The following APBB3 variants were observed in gnomAD, a reference collection of about 807,000 sequenced individuals.
APBB3 encodes amyloid beta precursor protein binding family B member 3.
A neutral mutation model predicts 61.5 loss-of-function variants in APBB3; 50 were observed. The observed-to-expected ratio is 0.81, with a 90% CI of 0.65 to 1.03. The LOEUF (loss-of-function observed/expected upper bound fraction) is 1.03, where lower values mean the gene tolerates loss of function less well. Among genes scored for constraint, APBB3 ranks in the 50% least tolerant of loss-of-function variants. APBB3 has a pLI of 0.00. For synonymous variants in APBB3, 235 were observed against 233.0 expected (o/e 1.01, Z -0.08); for missense variants, 550 against 637.4 (o/e 0.86, Z 1.48).
At position 140,562,193 on chromosome 5, in the gene APBB3, G is replaced by A. The variant is rs1288408788; in HGVS notation, c.533C>T (p.Ala178Val). The A allele has an allele frequency of 6.2e-7, 1 of 1,614,090 alleles. No homozygotes were observed. The highest frequency in any genetic ancestry group is 1.3e-5 in the African/African-American group (1 of 74,934). ...QNMLMILKKD[A>V]MSLVNPLDHS... ...GTCCAGGGGATTCACTAGGCTCATG[G>A]CATCCTTCTTCAGGATCATCAGCAT... The change falls in exon 6 of 13, where the codon GCC (alanine) becomes GTC (valine). Residue 178 changes from alanine to valine, a missense_variant. By Grantham distance (64) the Ala-to-Val change is moderately conservative. Transcript: ENST00000357560.
At chr5:140,562,750 G>T in intron 3 of APBB3, 27 bp from the exon 4 acceptor site, 2 of 1,613,060 alleles carry the variant, frequency 1.2e-6, no homozygotes, top group South Asian at 2.2e-5. Flanking sequence ...CTGTTAAGAG[G>T]ACCACATTTC....
At position 140,558,609 on chromosome 5, in the gene APBB3, T is replaced by A; in HGVS notation, c.1437A>T (p.Lys479Asn). The A allele has an allele frequency of 1.9e-6, 3 of 1,613,240 alleles. No individual in the cohort carries two copies. Among genetic ancestry groups the A allele is most frequent in the Non-Finnish European group, 2.5e-6 (3 of 1,179,776 alleles). ...TTTAGGGCATATGGAGCAGAGAGGG[T>A]TTCAGCCGGAAGGCATCAAGAAAAG... is the stretch of plus-strand genomic sequence containing the variant. Reference protein sequence around the residue: ...VFSFLDAFRLKPSLLHMP With the variant: ...VFSFLDAFRLNPSLLHMP The change falls in exon 13 of 13, where the codon AAA becomes AAT. Residue 479 changes from lysine (K) to asparagine (N), a missense_variant. Coordinates refer to ENST00000357560, the MANE Select transcript of APBB3 (RefSeq NM_133173.3).
Position 140,558,439 on chromosome 5 carries a change from T to C in APBB3, c.*146A>G, listed in dbSNP as rs931093819. 1 of 860,624 alleles carries C rather than the reference T, an allele frequency of 1.2e-6. No homozygotes were observed. Among genetic ancestry groups the C allele is most frequent in the South Asian group, 1.4e-5 (1 of 72,616 alleles). 53.3% of individuals were successfully genotyped at this position (860,624 alleles called of 1,614,324 possible). ...CCCAGTCATCCGTATAAACAATAAA[T>C]TGGGCAATAAATAGACGGTGGACAA... On this transcript the variant is annotated 3_prime_UTR_variant, in exon 13 of 13. Coordinates refer to ENST00000357560, the MANE Select transcript of APBB3 (RefSeq NM_133173.3).
Position 140,560,641 on chromosome 5 carries a change from G to T in APBB3, c.1030C>A (p.Gln344Lys), listed in dbSNP as rs1219848730. ...CCAACTTCACCCTCTTCTGGTACCT[G>T]AATGGGGTGTGCAGTCATGAGAGAG... is the stretch of plus-strand genomic sequence containing the variant. ...SDSLMTAHPI[Q>K]AEASTEEEPL... The change falls in exon 11 of 13, where the codon CAG (glutamine) becomes AAG (lysine). Residue 344 changes from glutamine (Q) to lysine (K), a missense_variant and splice_region_variant. This residue lies in a region of APBB3 where 405 missense variants were observed against 483.4 expected (regional missense o/e 0.84). Coordinates refer to ENST00000357560, the MANE Select transcript of APBB3 (RefSeq NM_133173.3). This position sits in a 1 kb window ranked among gnomAD's most constrained non-coding sequence, Gnocchi z 5.1. The T allele has an allele frequency of 6.2e-7, 1 of 1,613,898 alleles. No homozygotes were observed. The highest frequency in any genetic ancestry group is 8.5e-7 in the Non-Finnish European group (1 of 1,179,916).
At chr5:140,562,803 A>G in intron 3 of APBB3, 80 bp from the exon 4 acceptor site, 1 of 1,418,684 alleles carries the variant, frequency 7.0e-7, no homozygotes, top group Non-Finnish European at 9.9e-7. Flanking sequence ...CTTGATAAGC[A>G]CAGGATGAGG....
intron 3 of APBB3, 105 bp from the exon 4 acceptor site, chr5:140,562,828 T>C (rs142426555): frequency 2.9e-6 from 3 of 1,023,108 alleles, no homozygotes; most frequent in Non-Finnish European, 4.5e-6. Flanking sequence ...AGACCCAGAA[T>C]ATAGCACCAG....
chr5:140,558,294 C>T lies in APBB3; in HGVS notation c.*291G>A, dbSNP rs1561866124. 2.2e-6 allele frequency: 1 copy of T among 460,932 alleles called. No individual in the cohort carries two copies. Among genetic ancestry groups the T allele is most frequent in the African/African-American group, 2.0e-5 (1 of 49,488 alleles). 28.6% of individuals were successfully genotyped at this position (460,932 alleles called of 1,614,324 possible). On this transcript the variant is annotated 3_prime_UTR_variant, in exon 13 of 13. Coordinates refer to ENST00000357560, the MANE Select transcript of APBB3 (RefSeq NM_133173.3). ...GAGGTCACTGAGGGATTTTTATTTG[C>T]ACTGATTTTGCTATAAAGTGTTACT...
At position 140,560,567 on chromosome 5, in the gene APBB3, G is replaced by A. The variant is rs1385976636; in HGVS notation, c.1033-63C>T. On this transcript the variant is annotated intron_variant, in intron 11 of 12. Transcript: ENST00000357560. The surrounding 1 kb of genome is among the most constrained non-coding windows in gnomAD (Gnocchi z 5.1). ...CGGGCCAGACCCACTTAACTTTTCC[G>A]ACAGCAAGCAGTGACCCCTCAGCAT... The A allele has an allele frequency of 6.9e-6, 11 of 1,605,514 alleles. No individual in the cohort carries two copies. Among genetic ancestry groups the A allele is most frequent in the East Asian group, 4.5e-5 (2 of 44,558 alleles).
chr5:140,561,966 G>A (rs1363256817), intron 6 of APBB3, 117 bp from the exon 7 acceptor site: 1 of 1,611,328 alleles, frequency 6.2e-7, no homozygotes, highest in South Asian at 1.1e-5. Context: ...ACCAGGCAGG[G>A]GAAGCAGTCC....
At chr5:140,561,169 G>T in intron 9 of APBB3, 68 bp from the exon 10 acceptor site, 2 of 1,576,606 alleles carry the variant, frequency 1.3e-6, no homozygotes, top group Non-Finnish European at 1.7e-6. Flanking sequence ...CTTCTCAATG[G>T]GCCAGGACTC....
At chr5:140,562,285 G>A (rs1219172312) in intron 5 of APBB3, 58 bp from the exon 6 acceptor site, 2 of 1,611,188 alleles carry the variant, frequency 1.2e-6, no homozygotes, top group African/African-American at 1.3e-5. Flanking sequence ...ATGAGAAATA[G>A]GAAATTCAGG....
chr5:140,561,566 T>G, intron 8 of APBB3, 21 bp downstream of exon 8: 2 of 1,614,004 alleles, frequency 1.2e-6, no homozygotes, highest in Non-Finnish European at 1.7e-6. Context: ...CCACATTCCC[T>G]GCCCCACCCC....
intron 12 of APBB3, 25 bp from the exon 13 acceptor site, chr5:140,558,846 T>C (rs774421031): frequency 6.2e-7 from 1 of 1,603,172 alleles, no homozygotes; most frequent in South Asian, 1.1e-5. Context: ...AATGTGAGGA[T>C]CCAGCTACTT....
chr5:140,561,265 G>T, intron 9 of APBB3, 100 bp downstream of exon 9: 1 of 1,515,390 alleles, frequency 6.6e-7, no homozygotes, highest in Non-Finnish European at 9.1e-7. Context: ...AGACATCTCA[G>T]AAATTTATCC....
chr5:140,559,582 A>G (rs1302735325), intron 12 of APBB3, among the ~76,000 whole-genome samples: 1 of 152,060 alleles, frequency 6.6e-6, no homozygotes, highest in African/African-American at 2.4e-5. Context: ...TGCCAGATAC[A>G]CTAGATTCTT....
chr5:140,561,528 C>T lies in APBB3; in HGVS notation c.747+59G>A, dbSNP rs539680808. 409 of 1,613,380 alleles carry T rather than the reference C, an allele frequency of 2.5e-4. 4 individuals carry two copies. In the Admixed American group the frequency reaches 6.6e-3, roughly 26 times the overall value. On this transcript the variant is annotated intron_variant, in intron 8 of 12. Coordinates refer to ENST00000357560, the MANE Select transcript of APBB3 (RefSeq NM_133173.3). ...AAAGGGCCAATACCACCCCAACTAC[C>T]TTGGAAGCTTCAGACCCAACCCCTT...
chr5:140,561,053 A>C lies in APBB3; in HGVS notation c.881T>G (p.Leu294Arg). ...VSQAAQKYEALYMGTLPVTKA... is the reference protein window; with the variant it reads ...VSQAAQKYEARYMGTLPVTKA... ...GGTGACTGGCAGTGTCCCCATATAC[A>C]GTGCCTCGTACTTCTGAGCAGCTTG... The change falls in exon 10 of 13, where the codon CTG becomes CGG. Residue 294 changes from leucine (L) to arginine (R), a missense_variant. By Grantham distance (102) the Leu-to-Arg change is moderately radical. Coordinates refer to ENST00000357560, the MANE Select transcript of APBB3 (RefSeq NM_133173.3). 1 of 1,613,904 alleles carries C rather than the reference A, an allele frequency of 6.2e-7. No homozygotes were observed. Among genetic ancestry groups the C allele is most frequent in the African/African-American group, 1.3e-5 (1 of 75,024 alleles).
intron 8 of APBB3, 46 bp downstream of exon 8, chr5:140,561,539 CAG>C (rs765999205): frequency 3.1e-6 from 5 of 1,613,552 alleles, no homozygotes; most frequent in Non-Finnish European, 4.2e-6. Flanking sequence ...TTGGAAGCTT[CAG>C]ACCCAACCCC....
Position 140,564,055 on chromosome 5 carries a change from A to G in APBB3, c.50-140T>C. The G allele has an allele frequency of 6.9e-7, 1 of 1,457,818 alleles. No individual in the cohort carries two copies. Among genetic ancestry groups the G allele is most frequent in the Non-Finnish European group, 9.3e-7 (1 of 1,071,548 alleles). The allele number at this position is 1,457,818 out of a possible 1,614,324, so 90.3% of individuals were successfully genotyped here. On this transcript the variant is annotated intron_variant, in intron 1 of 12. Coordinates refer to ENST00000357560, the MANE Select transcript of APBB3 (RefSeq NM_133173.3). This position sits in a 1 kb window ranked among gnomAD's most constrained non-coding sequence, Gnocchi z 5.0. Reference sequence around the variant, plus strand: ...CAGGCTCCTCAATCTTGAAGACATCACATGTAAAGACCGGGTTCATTCGCC... The same window carrying G: ...CAGGCTCCTCAATCTTGAAGACATCGCATGTAAAGACCGGGTTCATTCGCC...
Sources: gnomAD v4.1 joint callset for allele counts (sites outside exome capture counted in the v4.1 genomes callset) on GRCh38, gnomAD v4.1.1 for gene constraint, gnomAD v4.1.1 regional missense constraint, Gnocchi (gnomAD v3.1) non-coding constraint, MANE v1.5 for transcripts, NCBI Gene and HGNC (gene_info 2026-07-23, HGNC 2026-07-21) for gene names.